Variants in SERPINA11 observed in about 807,000 individuals in gnomAD.
SERPINA11 encodes serpin A11.
Under a neutral mutation model 29.4 loss-of-function variants are expected in SERPINA11, and 28 were observed. The observed-to-expected ratio is 0.95, with a 90% confidence interval of 0.70 to 1.30. The LOEUF (loss-of-function observed/expected upper bound fraction) is 1.30, where lower values mean the gene tolerates loss of function less well. Ranked by LOEUF, SERPINA11 falls within the 50% of genes most tolerant of loss-of-function variation. SERPINA11 has a pLI of 0.00. For missense variants in SERPINA11, 530 were observed against 507.3 expected (o/e 1.04, Z -0.43); for synonymous variants, 253 against 206.6 (o/e 1.22, Z -1.92).
chr14:94,448,703 G>C lies in SERPINA11; in HGVS notation c.72C>G (p.Ala24=), dbSNP rs999714001. 3.3e-6 allele frequency: 5 copies of C among 1,535,148 alleles called. No homozygotes were observed. The highest frequency in any genetic ancestry group is 4.4e-6 in the Non-Finnish European group (5 of 1,142,914). ...GCCCCTGCAGACTTTTATCTCCATG[G>C]GCAAGAAGGGGCTGACAGTGGACAG... The part of the protein sequence containing the change: ...LASVHCQPLL[A]HGDKSLQGPQ... Residue 24 remains alanine (A), a synonymous_variant, in exon 2 of 5, where the codon GCC becomes GCG. Transcript: ENST00000334708.
chr14:94,443,685 A>C (rs1440407814), intron 3 of SERPINA11, among the ~76,000 whole-genome samples: 1 of 152,180 alleles, frequency 6.6e-6, no homozygotes, highest in Non-Finnish European at 1.5e-5. Context: ...TAATACAAGC[A>C]GCCATTGTCT....
At chr14:94,452,336 A>G (rs1231823422) in intron 1 of SERPINA11, among the ~76,000 whole-genome samples, 5 of 152,112 alleles carry the variant, frequency 3.3e-5, no homozygotes, top group Non-Finnish European at 7.4e-5. Context: ...CAGATTCCAG[A>G]CCAGAGCTCC....
At chr14:94,444,075 A>T (rs1030051869) in intron 3 of SERPINA11, among the ~76,000 whole-genome samples, 2 of 152,162 alleles carry the variant, frequency 1.3e-5, no homozygotes, top group African/African-American at 4.8e-5. Flanking sequence ...GAGGGTCTGG[A>T]TGCCTAATTG....
intron 1 of SERPINA11, among the ~76,000 whole-genome samples, chr14:94,450,759 G>C (rs1161577709): frequency 2.0e-5 from 3 of 152,180 alleles, no homozygotes; most frequent in Non-Finnish European, 4.4e-5. Context: ...GGAGCAGGAA[G>C]ACCCCTTGTT....
At chr14:94,447,087 C>T (rs1898457472) in intron 2 of SERPINA11, among the ~76,000 whole-genome samples, 2 of 152,198 alleles carry the variant, frequency 1.3e-5, no homozygotes, top group Admixed American at 1.3e-4. Flanking sequence ...CAACAACCTT[C>T]TACAGAGACG....
At position 94,443,166 on chromosome 14, in the gene SERPINA11, A is replaced by G. The variant is rs747412188; in HGVS notation, c.977T>C (p.Ile326Thr). The G allele has an allele frequency of 3.1e-6, 5 of 1,613,996 alleles. No homozygotes were observed. The highest frequency in any genetic ancestry group is 2.5e-6 in the Non-Finnish European group (3 of 1,179,856). The change falls in exon 4 of 5, where the codon ATA becomes ACA. Residue 326 changes from isoleucine (I) to threonine (T), a missense_variant. Transcript: ENST00000334708. ...SISGTYNLEDILPQIGLTNIL... is the reference protein window; with the variant it reads ...SISGTYNLEDTLPQIGLTNIL... The stretch of plus-strand genomic sequence containing the variant: ...GTTGGTGAGACCAATTTGGGGAAGT[A>G]TGTCTTCCAGGTTATATGTTCCAGA...
chr14:94,443,110 C>T lies in SERPINA11; in HGVS notation c.1033G>A (p.Val345Ile). The T allele has an allele frequency of 6.2e-7, 1 of 1,613,844 alleles. No individual in the cohort carries two copies. Among genetic ancestry groups the T allele is most frequent in the Non-Finnish European group, 8.5e-7 (1 of 1,179,878 alleles). Reference sequence around the variant, plus strand: ...ATGGTTTTGTTGAGCTGCCCAGTGACTCCTGAGAAGTCAGCTTCTAAGTTG... The same window carrying T: ...ATGGTTTTGTTGAGCTGCCCAGTGATTCCTGAGAAGTCAGCTTCTAAGTTG... ...ILNLEADFSG[V>I]TGQLNKTISK... Residue 345 changes from valine to isoleucine, a missense_variant, in exon 4 of 5, where the codon GTC (valine) becomes ATC (isoleucine). Physicochemically the swap from Val to Ile is conservative, Grantham distance 29. Coordinates refer to ENST00000334708, the MANE Select transcript of SERPINA11 (RefSeq NM_001080451.2).
In SERPINA11 at chr14:94,448,134, T is replaced by C; in HGVS notation, c.641A>G (p.Lys214Arg). 3 of 1,612,840 alleles carry C rather than the reference T, an allele frequency of 1.9e-6. No individual in the cohort carries two copies. The highest frequency in any genetic ancestry group is 1.7e-6 in the Non-Finnish European group (2 of 1,179,090). ...AATTCTGTCAGAGCAAGCCTCACCT[T>C]TGAAGAAGATGTAATTGGCAAGAAC... ...FMVLANYIFF[K>R]AKWKHPFSRY... The change falls in exon 2 of 5, where the codon AAA becomes AGA. Residue 214 changes from lysine to arginine, a missense_variant and splice_region_variant. Coordinates refer to ENST00000334708, the MANE Select transcript of SERPINA11 (RefSeq NM_001080451.2).
At chr14:94,451,477 G>A (rs1226169035) in intron 1 of SERPINA11, among the ~76,000 whole-genome samples, 1 of 152,160 alleles carries the variant, frequency 6.6e-6, no homozygotes. Context: ...TTTAAAAATT[G>A]TTCTACCCCT....
chr14:94,443,298 G>A, intron 3 of SERPINA11, 73 bp from the exon 4 acceptor site: 1 of 1,454,896 alleles, frequency 6.9e-7, no homozygotes, highest in South Asian at 1.3e-5. Context: ...TCTGTCGGCA[G>A]CCTGAGCCAT....
intron 1 of SERPINA11, among the ~76,000 whole-genome samples, chr14:94,449,405 TATTC>T (rs571121725): frequency 0.052 from 2,885 of 54,990 alleles, 323 homozygotes; most frequent in East Asian, 0.38. Context: ...TCTTTCTTTC[TATTC>T]TTTCTTTCTT....
chr14:94,449,273 C>T (rs1595655139), intron 1 of SERPINA11, among the ~76,000 whole-genome samples: 2 of 152,106 alleles, frequency 1.3e-5, no homozygotes, highest in Admixed American at 1.3e-4. Flanking sequence ...GGGGTCTAGG[C>T]TGCAGTGAGC....
chr14:94,446,197 G>A (rs948621725), intron 3 of SERPINA11, 134 bp downstream of exon 3: 8 of 875,670 alleles, frequency 9.1e-6, no homozygotes, highest in Non-Finnish European at 1.4e-5. Flanking sequence ...AAATTGCCAA[G>A]ATCACACAGT....
chr14:94,445,668 A>G (rs1461229915), intron 3 of SERPINA11, among the ~76,000 whole-genome samples: 4 of 152,196 alleles, frequency 2.6e-5, no homozygotes, highest in African/African-American at 9.7e-5. Flanking sequence ...TCCTGGGCTC[A>G]GGTGATCCTC....
At position 94,443,072 on chromosome 14, in the gene SERPINA11, C is replaced by A; in HGVS notation, c.1065+6G>T. The A allele has an allele frequency of 6.2e-7, 1 of 1,608,728 alleles. No individual in the cohort carries two copies. Among genetic ancestry groups the A allele is most frequent in the Non-Finnish European group, 8.5e-7 (1 of 1,177,944 alleles). On this transcript the variant is annotated splice_donor_region_variant and intron_variant, in intron 4 of 4. Transcript: ENST00000334708. ...TGCCCACAAACATCCATGTTCACCA[C>A]TTTACCTTGGAGATGGTTTTGTTGA...
At position 94,443,129 on chromosome 14, in the gene SERPINA11, T is replaced by C. The variant is rs550396257; in HGVS notation, c.1014A>G (p.Leu338=). ...CAGTGACTCCTGAGAAGTCAGCTTC[T>C]AAGTTGAGTATGTTGGTGAGACCAA... ...PQIGLTNILN[L]EADFSGVTGQ... Residue 338 remains leucine (L), a synonymous_variant, in exon 4 of 5, where the codon TTA becomes TTG. Coordinates refer to ENST00000334708, the MANE Select transcript of SERPINA11 (RefSeq NM_001080451.2). The C allele has an allele frequency of 1.3e-4, 203 of 1,614,064 alleles. 3 individuals are homozygous for C. In the South Asian group the frequency reaches 2.2e-3, roughly 17 times the overall value.
At chr14:94,447,399 T>G (rs974519888) in intron 2 of SERPINA11, among the ~76,000 whole-genome samples, 2 of 152,104 alleles carry the variant, frequency 1.3e-5, no homozygotes, top group African/African-American at 4.8e-5. Context: ...TGATTCTACC[T>G]CCAAAACCAC....
chr14:94,447,648 C>T (rs1898472318), intron 2 of SERPINA11, among the ~76,000 whole-genome samples: 1 of 152,250 alleles, frequency 6.6e-6, no homozygotes, highest in African/African-American at 2.4e-5. Flanking sequence ...CATTGCAACT[C>T]TTGGTTTCTT....
chr14:94,451,744 C>T (rs1276067843), intron 1 of SERPINA11, among the ~76,000 whole-genome samples: 1 of 152,190 alleles, frequency 6.6e-6, no homozygotes, highest in East Asian at 1.9e-4. Flanking sequence ...ATATTGCCCA[C>T]CTCCTGGGTG....
Sources: allele counts gnomAD v4.1 joint callset (sites outside exome capture counted in the v4.1 genomes callset), GRCh38; gene constraint gnomAD v4.1.1; transcripts MANE v1.5; gene names NCBI Gene and HGNC (gene_info 2026-07-23, HGNC 2026-07-21).